Variants in LARGE1 observed in about 807,000 individuals in gnomAD.
LARGE1 encodes xylosyl- and glucuronyltransferase LARGE1.
A neutral mutation model predicts 87.6 loss-of-function variants in LARGE1; 43 were observed. That is an observed-to-expected ratio of 0.49 (90% CI 0.38 to 0.63). The LOEUF is 0.63. Among genes scored for constraint, LARGE1 ranks in the 30% least tolerant of loss-of-function variants. The pLI is 0.00. For synonymous variants in LARGE1, 434 were observed against 394.6 expected, an observed-to-expected ratio of 1.10 and a Z score of -1.18; for missense variants, 802 against 1,000.2, an observed-to-expected ratio of 0.80 and a Z score of 2.67.
chr22:33,707,764 G>A (rs1170484106), intron 2 of LARGE1, among the ~76,000 whole-genome samples: 2 of 152,176 alleles, frequency 1.3e-5, no homozygotes, highest in South Asian at 2.1e-4. Context: ...GCCTCCCACA[G>A]TCGACCCACA....
intron 1 of LARGE1, among the ~76,000 whole-genome samples, chr22:33,810,097 G>T (rs1434710824): frequency 6.6e-6 from 1 of 152,162 alleles, no homozygotes; most frequent in Non-Finnish European, 1.5e-5. Context: ...GACACAGCAT[G>T]GGGGATGGGA....
chr22:33,562,140 G>A (rs959066836), intron 6 of LARGE1, among the ~76,000 whole-genome samples: 1 of 152,200 alleles, frequency 6.6e-6, no homozygotes, highest in African/African-American at 2.4e-5. Context: ...TGACTTAACA[G>A]GCTTTCTTCC....
chr22:33,567,347 T>C (rs1218543068), intron 5 of LARGE1, among the ~76,000 whole-genome samples: 1 of 152,246 alleles, frequency 6.6e-6, no homozygotes, highest in Non-Finnish European at 1.5e-5. Flanking sequence ...ACACAAAATA[T>C]ACTCAGTAAT....
At chr22:33,336,789 C>T (rs1012289754) in intron 10 of LARGE1, among the ~76,000 whole-genome samples, 2 of 152,040 alleles carry the variant, frequency 1.3e-5, no homozygotes, top group Admixed American at 6.5e-5. Context: ...TGGCCGGGCG[C>T]GGTGGCTCAC....
chr22:33,259,864 C>T (rs558101748), intron 11 of LARGE1, among the ~76,000 whole-genome samples: 1 of 152,216 alleles, frequency 6.6e-6, no homozygotes, highest in African/African-American at 2.4e-5. Flanking sequence ...TCCGTATCTA[C>T]CACATGCATC....
At chr22:33,091,556 T>C in the LARGE1 span, among the ~76,000 whole-genome samples, 1 of 73,776 alleles carries the variant, frequency 1.4e-5, no homozygotes, top group Admixed American at 1.6e-4. Flanking sequence ...CAAGACTCCA[T>C]CTCAAATAAA....
At chr22:33,520,060 G>A (rs570063183) in intron 6 of LARGE1, among the ~76,000 whole-genome samples, 20 of 146,660 alleles carry the variant, frequency 1.4e-4, no homozygotes, top group East Asian at 6.0e-4. Flanking sequence ...GCTGGAGTGC[G>A]GTGGTGTGAT....
chr22:33,430,805 C>T (rs1429565086), intron 7 of LARGE1, among the ~76,000 whole-genome samples: 2 of 152,184 alleles, frequency 1.3e-5, no homozygotes, highest in African/African-American at 2.4e-5. Flanking sequence ...TGACTCATGT[C>T]CCTTCTCCTT....
chr22:33,854,086 G>A (rs118050526), intron 1 of LARGE1, among the ~76,000 whole-genome samples: 1 of 152,032 alleles, frequency 6.6e-6, no homozygotes, highest in East Asian at 1.9e-4. Flanking sequence ...ATCTACCAAA[G>A]CACTCTAGAA....
chr22:33,552,423 CT>C (rs71681222), intron 6 of LARGE1, among the ~76,000 whole-genome samples: 5,249 of 151,974 alleles, frequency 0.035, 127 homozygotes, highest in East Asian at 0.15. Context: ...GAGATGGCAC[CT>C]ATCTCAACAC....
At chr22:33,789,044 A>G (rs1014603076) in intron 1 of LARGE1, among the ~76,000 whole-genome samples, 2 of 152,206 alleles carry the variant, frequency 1.3e-5, no homozygotes, top group African/African-American at 4.8e-5. Flanking sequence ...AATGAGGAAA[A>G]TGTCTCCAGG....
intron 2 of LARGE1, among the ~76,000 whole-genome samples, chr22:33,746,139 G>A (rs1250425321): frequency 6.6e-6 from 1 of 152,240 alleles, no homozygotes; most frequent in Non-Finnish European, 1.5e-5. Flanking sequence ...CTACTCGGGA[G>A]GCTGAGGTAG....
At chr22:33,085,778 C>T in the LARGE1 span, among the ~76,000 whole-genome samples, 9 of 152,234 alleles carry the variant, frequency 5.9e-5, no homozygotes, top group East Asian at 7.7e-4. Context: ...TAAACCTTTT[C>T]GTTCCATGAA....
intron 11 of LARGE1, among the ~76,000 whole-genome samples, chr22:33,176,312 A>G (rs578063574): frequency 6.6e-6 from 1 of 152,354 alleles, no homozygotes; most frequent in Admixed American, 6.5e-5. Context: ...ATGGGATCTA[A>G]TGAAGCTAAA....
At chr22:33,705,780 C>T (rs921559034) in intron 2 of LARGE1, among the ~76,000 whole-genome samples, 1 of 152,206 alleles carries the variant, frequency 6.6e-6, no homozygotes, top group Non-Finnish European at 1.5e-5. Flanking sequence ...ATATACACTA[C>T]CGTGTTCATC....
chr22:33,770,729 C>A lies in LARGE1; in HGVS notation c.-82-9171G>T, dbSNP rs556627080. ...AAGCAAAAAAGGTGAAAGGCAATAT[C>A]CTATATTGCTACTGCAGATTAAAAA... is the stretch of plus-strand genomic sequence containing the variant. On this transcript the variant is annotated intron_variant, in intron 1 of 14. Coordinates refer to ENST00000397394, the MANE Select transcript of LARGE1 (RefSeq NM_133642.5). Among the ~76,000 whole-genome samples, 21 of 152,166 alleles carry A rather than the reference C, an allele frequency of 1.4e-4. No individual in the cohort carries two copies. The East Asian group carries it at 3.7e-3, about 27-fold the overall frequency.
At chr22:33,621,436 C>T (rs2079751456) in intron 4 of LARGE1, among the ~76,000 whole-genome samples, 1 of 93,546 alleles carries the variant, frequency 1.1e-5, no homozygotes, top group African/African-American at 4.9e-5. Flanking sequence ...AAGCATATGG[C>T]AGAAGTAAAA....
chr22:33,140,723 C>T, the LARGE1 span, among the ~76,000 whole-genome samples: 28 of 152,260 alleles, frequency 1.8e-4, no homozygotes, highest in African/African-American at 5.1e-4. Flanking sequence ...GGCTCTCAGG[C>T]CTTCAGCCAC....
chr22:33,155,111 C>T, the LARGE1 span, among the ~76,000 whole-genome samples: 1 of 152,150 alleles, frequency 6.6e-6, no homozygotes, highest in Non-Finnish European at 1.5e-5. Flanking sequence ...ATGTCTTTGT[C>T]AGCAGTGGTA....
Sources: gnomAD v4.1 joint callset for allele counts (sites outside exome capture counted in the v4.1 genomes callset) on GRCh38, gnomAD v4.1.1 for gene constraint, MANE v1.5 for transcripts, NCBI Gene and HGNC (gene_info 2026-07-23, HGNC 2026-07-21) for gene names.